Variants in PPP2R5C observed in about 807,000 individuals in gnomAD.
The protein encoded by PPP2R5C is serine/threonine-protein phosphatase 2A 56 kDa regulatory subunit gamma isoform.
Under a neutral mutation model 68.9 loss-of-function variants are expected in PPP2R5C, and 7 were observed. The ratio of observed to expected loss-of-function variants is 0.10; its 90% CI spans 0.06 to 0.19. The LOEUF (loss-of-function observed/expected upper bound fraction) is 0.19, where lower values mean the gene tolerates loss of function less well. Ranked by LOEUF, PPP2R5C falls within the 10% of genes least tolerant of loss-of-function variation. PPP2R5C has a pLI of 1.00. For missense variants in PPP2R5C, 348 were observed against 641.3 expected (o/e 0.54, Z 4.94); for synonymous variants, 210 against 222.2 (o/e 0.95, Z 0.49).
chr14:101,772,509 A>T (rs536880082), intron 2 of PPP2R5C, among the ~76,000 whole-genome samples: 1 of 152,332 alleles, frequency 6.6e-6, no homozygotes, highest in African/African-American at 2.4e-5. Flanking sequence ...AAATAAAGTA[A>T]TGCGGCTGGG....
Position 101,879,890 on chromosome 14 carries a change from G to A in PPP2R5C, c.295-2271G>A, listed in dbSNP as rs545958806. 6.6e-6 allele frequency among the ~76,000 whole-genome samples: 1 copy of A among 152,236 alleles called. No individual in the cohort carries two copies. The highest frequency in any genetic ancestry group is 1.5e-5 in the Non-Finnish European group (1 of 68,046). ...AGTGGCTGCTAATGACAGGACCCTG[G>A]GAGGACATGGCGGCCTGCCCAAAGT... On this transcript the variant is annotated intron_variant, in intron 2 of 13. Transcript: ENST00000334743. The surrounding 1 kb of genome is among the most constrained non-coding windows in gnomAD (Gnocchi z 4.2).
intron 2 of PPP2R5C, among the ~76,000 whole-genome samples, chr14:101,865,900 A>G (rs1198804964): frequency 1.3e-5 from 2 of 152,006 alleles, no homozygotes; most frequent in Non-Finnish European, 2.9e-5. Context: ...TGATATCTTG[A>G]GGTTACTTAA....
chr14:101,914,394 CA>C, intron 12 of PPP2R5C: 1 of 262,280 alleles, frequency 3.8e-6, no homozygotes, highest in South Asian at 3.7e-5. Flanking sequence ...TTCTCATTCT[CA>C]GGAGAAAATA....
chr14:101,844,847 G>A (rs1217379275), intron 1 of PPP2R5C, among the ~76,000 whole-genome samples: 2 of 152,182 alleles, frequency 1.3e-5, no homozygotes, highest in Non-Finnish European at 2.9e-5. Flanking sequence ...TTGTTCTTTG[G>A]ATAAATGAGC....
chr14:101,774,093 G>A (rs1434791053), intron 2 of PPP2R5C, among the ~76,000 whole-genome samples: 1 of 152,214 alleles, frequency 6.6e-6, no homozygotes, highest in African/African-American at 2.4e-5. Context: ...GGAACGAGGG[G>A]CAAGAGCTGA....
rs760782258 is a variant in PPP2R5C at position 101,913,929 on chromosome 14, C to T, written c.1326+1456C>T. ...GAATCAGAAGGTCTGATTTTATGTA[C>T]CTAGAATATAGAGATAACTTATTGA... On this transcript the variant is annotated intron_variant, in intron 12 of 13. Coordinates refer to ENST00000334743, the Ensembl canonical transcript of PPP2R5C. The surrounding 1 kb of genome is among the most constrained non-coding windows in gnomAD (Gnocchi z 4.1). Among the ~76,000 whole-genome samples the T allele has an allele frequency of 1.3e-5, 2 of 152,068 alleles. No individual in the cohort carries two copies. Among genetic ancestry groups the T allele is most frequent in the Non-Finnish European group, 2.9e-5 (2 of 68,014 alleles).
chr14:101,831,663 G>C (rs1413581853), intron 1 of PPP2R5C: 1 of 680,500 alleles, frequency 1.5e-6, no homozygotes, highest in East Asian at 2.7e-5. Context: ...GAACTGCACA[G>C]GTCCACTTAT....
At chr14:101,910,860 T>G (rs558738677) in intron 11 of PPP2R5C, among the ~76,000 whole-genome samples, 11 of 152,028 alleles carry the variant, frequency 7.2e-5, no homozygotes, top group Admixed American at 2.0e-4. Flanking sequence ...CCCAGCACTT[T>G]GGGAGGCCAA....
intron 3 of PPP2R5C, among the ~76,000 whole-genome samples, chr14:101,791,381 C>G (rs934558276): frequency 6.6e-6 from 1 of 151,958 alleles, no homozygotes; most frequent in Non-Finnish European, 1.5e-5. Context: ...TTGTCTTCTT[C>G]TTGTTGAATT....
intron 2 of PPP2R5C, among the ~76,000 whole-genome samples, chr14:101,780,458 C>T (rs1168775416): frequency 1.3e-5 from 2 of 152,168 alleles, no homozygotes; most frequent in Admixed American, 6.5e-5. Context: ...TGTTTGGAGA[C>T]GCTCTTAGTT....
In PPP2R5C at chr14:101,913,875, TAC is replaced by T. The variant is rs146593281; in HGVS notation, c.1326+1416_1326+1417del. On this transcript the variant is annotated intron_variant, in intron 12 of 13. Coordinates refer to ENST00000334743, the Ensembl canonical transcript of PPP2R5C. The surrounding 1 kb of genome is among the most constrained non-coding windows in gnomAD (Gnocchi z 4.1). ...GCCTCGAAAACATGTGAGAAATGAA[TAC>T]ACACACACACACAAACACACACACA... Among the ~76,000 whole-genome samples, 6 of 151,566 alleles carry T rather than the reference TAC, an allele frequency of 4.0e-5. No homozygotes were observed. The highest frequency in any genetic ancestry group is 3.9e-4 in the East Asian group (2 of 5,164).
At chr14:101,856,986 C>T in intron 2 of PPP2R5C, 101 bp downstream of exon 4, 1 of 1,124,568 alleles carries the variant, frequency 8.9e-7, no homozygotes. Flanking sequence ...GAGAAGAATC[C>T]TCCTGTTCCA....
chr14:101,823,686 C>A, intron 1 of PPP2R5C: 1 of 912,148 alleles, frequency 1.1e-6, no homozygotes, highest in Non-Finnish European at 1.3e-6. Context: ...GTCTGAGGTC[C>A]AAGAAGGAGC....
intron 9 of PPP2R5C, among the ~76,000 whole-genome samples, chr14:101,904,715 G>A (rs1566957442): frequency 1.3e-5 from 2 of 152,158 alleles, no homozygotes; most frequent in Non-Finnish European, 2.9e-5. Flanking sequence ...ACAACCTCAG[G>A]ATCTCTAAGC....
chr14:101,846,064 C>T (rs568068198), intron 1 of PPP2R5C, among the ~76,000 whole-genome samples: 4 of 152,332 alleles, frequency 2.6e-5, no homozygotes, highest in East Asian at 3.9e-4. Context: ...ACCACCTCTC[C>T]GGGTTTCTCA....
chr14:101,830,821 G>A (rs1372983035), intron 1 of PPP2R5C, among the ~76,000 whole-genome samples: 1 of 152,178 alleles, frequency 6.6e-6, no homozygotes, highest in Non-Finnish European at 1.5e-5. Flanking sequence ...CGGGGAGCTT[G>A]CAGTCTAAGA....
intron 2 of PPP2R5C, among the ~76,000 whole-genome samples, chr14:101,772,377 G>A (rs967167538): frequency 2.6e-5 from 4 of 151,938 alleles, no homozygotes; most frequent in South Asian, 2.1e-4. Flanking sequence ...CCATAGGAGC[G>A]GGACTTGGAC....
chr14:101,893,848 A>G (rs1168551449), intron 7 of PPP2R5C, among the ~76,000 whole-genome samples: 1 of 152,264 alleles, frequency 6.6e-6, no homozygotes, highest in Non-Finnish European at 1.5e-5. Flanking sequence ...TAAGTGGTTA[A>G]TGGACTGCAT....
At chr14:101,771,652 C>T (rs2037157437) in intron 2 of PPP2R5C, among the ~76,000 whole-genome samples, 1 of 151,990 alleles carries the variant, frequency 6.6e-6, no homozygotes, top group Non-Finnish European at 1.5e-5. Flanking sequence ...TGCTTGAAAA[C>T]CTGGGCGGCA....
Sources: gnomAD v4.1 joint callset for allele counts (sites outside exome capture counted in the v4.1 genomes callset) on GRCh38, gnomAD v4.1.1 for gene constraint, Gnocchi (gnomAD v3.1) non-coding constraint, MANE v1.5 for transcripts, NCBI Gene and HGNC (gene_info 2026-07-23, HGNC 2026-07-21) for gene names.